TMEM117: variants seen among roughly 807,000 people sequenced by gnomAD.
TMEM117 encodes the protein transmembrane protein 117.
In TMEM117, 27 loss-of-function variants were observed where a neutral mutation model predicts 52.4. The ratio of observed to expected loss-of-function variants is 0.51; its 90% confidence interval spans 0.38 to 0.71. The LOEUF (loss-of-function observed/expected upper bound fraction) is 0.71. Ranked by LOEUF, TMEM117 falls within the 30% of genes least tolerant of loss-of-function variation. The pLI, the probability that TMEM117 is intolerant of heterozygous loss-of-function variation, is 0.00. For missense variants in TMEM117, 556 were observed against 630.5 expected (o/e 0.88, Z 1.26); for synonymous variants, 215 against 206.3 (o/e 1.04, Z -0.36).
At chr12:43,993,354 G>A (rs530294044) in intron 3 of TMEM117, among the ~76,000 whole-genome samples, 1 of 152,310 alleles carries the variant, frequency 6.6e-6, no homozygotes, top group African/African-American at 2.4e-5. Context: ...CATAATGGAT[G>A]CTCAACAACG....
At chr12:43,973,853 A>G (rs1214768461) in intron 3 of TMEM117, among the ~76,000 whole-genome samples, 2 of 152,178 alleles carry the variant, frequency 1.3e-5, no homozygotes, top group Non-Finnish European at 2.9e-5. Context: ...CAGGATCATA[A>G]CCCATTTTCA....
rs535808547 is a variant in TMEM117 at position 43,906,554 on chromosome 12, C to T, written c.278-37656C>T. Among the ~76,000 whole-genome samples the T allele has an allele frequency of 2.2e-4, 33 of 151,738 alleles. No homozygotes were observed. The South Asian group carries it at 5.8e-3, about 27-fold the overall frequency. On this transcript the variant is annotated intron_variant, in intron 2 of 7. Coordinates refer to ENST00000266534, the MANE Select transcript of TMEM117 (RefSeq NM_032256.3). The stretch of plus-strand genomic sequence containing the variant: ...TCCCAGCGTGAGCGATGTAGAAGAC[C>T]AGTGATTTCTGCATTTCCATCTGAG...
chr12:44,062,672 C>G (rs958584940), intron 3 of TMEM117, among the ~76,000 whole-genome samples: 1 of 152,172 alleles, frequency 6.6e-6, no homozygotes, highest in Non-Finnish European at 1.5e-5. Context: ...ACCAAATGAT[C>G]CTAATTTTCC....
rs146531950 is a variant in TMEM117 at position 44,199,298 on chromosome 12, C to T, written c.511-11992C>T. On this transcript the variant is annotated intron_variant, in intron 4 of 7. Coordinates refer to ENST00000266534, the MANE Select transcript of TMEM117 (RefSeq NM_032256.3). ...TTACAAATTAAAAGAAATTCAGTAT[C>T]TTTCCATCCTGTCACTGAATGAACC... is the stretch of plus-strand genomic sequence containing the variant. 1.6e-4 allele frequency among the ~76,000 whole-genome samples: 25 copies of T among 152,260 alleles called. No individual in the cohort carries two copies. The East Asian group carries it at 4.4e-3, about 27-fold the overall frequency.
chr12:44,275,112 A>G (rs1173009039), intron 5 of TMEM117, among the ~76,000 whole-genome samples: 1 of 152,142 alleles, frequency 6.6e-6, no homozygotes, highest in Admixed American at 6.5e-5. Flanking sequence ...AAAAAGTTGA[A>G]TAACCCGATC....
chr12:44,050,813 TAA>T (rs566913292), intron 3 of TMEM117, among the ~76,000 whole-genome samples: 2 of 152,186 alleles, frequency 1.3e-5, no homozygotes, highest in Non-Finnish European at 2.9e-5. Flanking sequence ...TATATTCCCT[TAA>T]GTTAGGAATT....
chr12:44,215,946 A>G lies in TMEM117; in HGVS notation c.608+4559A>G, dbSNP rs543487899. Among the ~76,000 whole-genome samples, 56 of 151,920 alleles carry G rather than the reference A, an allele frequency of 3.7e-4. No individual in the cohort carries two copies. In the South Asian group the frequency reaches 6.9e-3, roughly 19 times the overall value. On this transcript the variant is annotated intron_variant, in intron 5 of 7. Transcript: ENST00000266534. ...ATTGGCATGTGCCATATCTAGGTGG[A>G]AATATTTAATATTCAATGAGATGCA...
intron 5 of TMEM117, among the ~76,000 whole-genome samples, chr12:44,255,104 T>A (rs1950244416): frequency 1.3e-5 from 2 of 152,270 alleles, no homozygotes; most frequent in South Asian, 4.2e-4. Context: ...TTGTGAATAG[T>A]GCCACAATAA....
At chr12:43,964,225 G>A (rs578073842) in intron 3 of TMEM117, among the ~76,000 whole-genome samples, 8 of 152,164 alleles carry the variant, frequency 5.3e-5, no homozygotes, top group Admixed American at 5.2e-4. Context: ...GCCTGGAAGT[G>A]ACATAAATCA....
the TMEM117 span, among the ~76,000 whole-genome samples, chr12:43,811,989 G>A: frequency 6.6e-6 from 1 of 152,018 alleles, no homozygotes; most frequent in African/African-American, 2.4e-5. Flanking sequence ...AACATTGTAA[G>A]AGATACATAT....
chr12:44,054,833 T>A (rs1168808809), intron 3 of TMEM117, among the ~76,000 whole-genome samples: 1 of 152,016 alleles, frequency 6.6e-6, no homozygotes, highest in African/African-American at 2.4e-5. Flanking sequence ...TGTTGGTATG[T>A]TGCACCCATT....
At chr12:44,117,828 C>T (rs867313981) in intron 3 of TMEM117, among the ~76,000 whole-genome samples, 1 of 151,968 alleles carries the variant, frequency 6.6e-6, no homozygotes, top group African/African-American at 2.4e-5. Context: ...TAAGTACCTC[C>T]TGCTTCTTTG....
intron 4 of TMEM117, among the ~76,000 whole-genome samples, chr12:44,162,220 C>A (rs1353359402): frequency 1.3e-5 from 2 of 152,154 alleles, no homozygotes; most frequent in African/African-American, 4.8e-5. Flanking sequence ...TGGTCCACCC[C>A]AGTCTTTAAA....
chr12:43,902,431 A>T (rs2137508184), intron 2 of TMEM117, among the ~76,000 whole-genome samples: 1 of 152,336 alleles, frequency 6.6e-6, no homozygotes, highest in South Asian at 2.1e-4. Flanking sequence ...AACTTTGCCA[A>T]AGAGTCAGTT....
intron 4 of TMEM117, among the ~76,000 whole-genome samples, chr12:44,163,778 T>G (rs1189288478): frequency 6.6e-6 from 1 of 152,244 alleles, no homozygotes; most frequent in Non-Finnish European, 1.5e-5. Flanking sequence ...ATGTGACTTC[T>G]AAAATATAAC....
the TMEM117 span, among the ~76,000 whole-genome samples, chr12:43,823,125 A>C: frequency 2.0e-5 from 3 of 152,206 alleles, no homozygotes; most frequent in African/African-American, 7.2e-5. Context: ...GAGGACATTT[A>C]TTAGGCCTAC....
chr12:44,100,411 A>T (rs1947842259), intron 3 of TMEM117, among the ~76,000 whole-genome samples: 1 of 152,054 alleles, frequency 6.6e-6, no homozygotes, highest in African/African-American at 2.4e-5. Context: ...AATAAATTCT[A>T]TTAAACATCC....
At chr12:43,920,473 A>G (rs1301598201) in intron 2 of TMEM117, among the ~76,000 whole-genome samples, 1 of 150,568 alleles carries the variant, frequency 6.6e-6, no homozygotes, top group African/African-American at 2.4e-5. Flanking sequence ...AGATCACACC[A>G]CTACACTCCA....
chr12:44,322,165 A>G (rs1565713615), intron 6 of TMEM117, among the ~76,000 whole-genome samples: 1 of 152,208 alleles, frequency 6.6e-6, no homozygotes, highest in African/African-American at 2.4e-5. Flanking sequence ...ACGGCCAACC[A>G]GCTCTGTCCA....
Sources: allele counts gnomAD v4.1 joint callset (sites outside exome capture counted in the v4.1 genomes callset), GRCh38; gene constraint gnomAD v4.1.1; transcripts MANE v1.5; gene names NCBI Gene and HGNC (gene_info 2026-07-23, HGNC 2026-07-21).